The following PROM1 variants were observed in gnomAD, a reference collection of about 807,000 sequenced individuals.
PROM1 encodes prominin 1.
A neutral mutation model predicts 116.9 loss-of-function variants in PROM1; 105 were observed. The observed-to-expected ratio is 0.90, with a 90% confidence interval of 0.77 to 1.06. The LOEUF is 1.06. PROM1 is among the 50% of genes least tolerant of loss of function. The pLI is 0.00. For missense variants in PROM1, 1,122 were observed against 1,045.2 expected (o/e 1.07, Z -1.01); for synonymous variants, 393 against 387.0 (o/e 1.02, Z -0.18).
chr4:16,075,611 T>C (rs1296786300), intron 2 of PROM1, 76 bp downstream of exon 2: 1 of 1,347,980 alleles, frequency 7.4e-7, no homozygotes, highest in African/African-American at 1.5e-5. Context: ...TATATATTGA[T>C]TGCATTGACA....
intron 2 of PROM1, among the ~76,000 whole-genome samples, chr4:16,047,524 C>T (rs1010089578): frequency 6.6e-6 from 1 of 151,964 alleles, no homozygotes; most frequent in South Asian, 2.1e-4. Context: ...AGTGTCTGGC[C>T]GGTACTGCCT....
rs60197637 is a variant in PROM1 at position 16,062,036 on chromosome 4, C to A, written c.220+13651G>T. On this transcript the variant is annotated intron_variant, in intron 2 of 27. Coordinates refer to ENST00000447510, the MANE Select transcript of PROM1 (RefSeq NM_006017.3). ...CCCCCGGAGTAGCTGGGACTACGGG[C>A]GCCTGCCACCACGCCCGGCTAATTT... is the stretch of plus-strand genomic sequence containing the variant. Among the ~76,000 whole-genome samples the A allele has an allele frequency of 8.8e-3, 1,341 of 152,048 alleles. 38 individuals are homozygous for A. Among genetic ancestry groups the A allele is most frequent in the East Asian group, 0.065 (335 of 5,158 alleles).
Sources: gnomAD v4.1 joint callset for allele counts (sites outside exome capture counted in the v4.1 genomes callset) on GRCh38, gnomAD v4.1.1 for gene constraint, MANE v1.5 for transcripts, NCBI Gene and HGNC (gene_info 2026-07-23, HGNC 2026-07-21) for gene names.